The following XKR9 variants were observed in gnomAD, a reference collection of about 807,000 sequenced individuals.
XKR9 encodes the protein XK-related protein 9.
Under a neutral mutation model 32.0 loss-of-function variants are expected in XKR9, and 32 were observed. The ratio of observed to expected loss-of-function variants is 1.00; its 90% CI spans 0.76 to 1.34. The LOEUF (loss-of-function observed/expected upper bound fraction) is 1.34. Among genes scored for constraint, XKR9 ranks in the 40% most tolerant of loss-of-function variants. The pLI is 0.00. For synonymous variants in XKR9, 168 were observed against 143.4 expected, an observed-to-expected ratio of 1.17 and a Z score of -1.22; for missense variants, 546 against 429.7, an observed-to-expected ratio of 1.27 and a Z score of -2.39.
At chr8:70,903,734 G>A in the XKR9 span, among the ~76,000 whole-genome samples, 1 of 152,028 alleles carries the variant, frequency 6.6e-6, no homozygotes, top group Non-Finnish European at 1.5e-5. Flanking sequence ...TGATGTTAAG[G>A]TTTCAATTTT....
At chr8:70,723,766 C>T (rs34317015) in intron 4 of XKR9, among the ~76,000 whole-genome samples, 178 of 152,120 alleles carry the variant, frequency 1.2e-3, no homozygotes, top group East Asian at 7.0e-3. Context: ...TGCTGGGATG[C>T]GCCTCCCAGT....
chr8:70,785,550 T>C (rs1415188194), intron 2 of XKR9, among the ~76,000 whole-genome samples: 1 of 136,128 alleles, frequency 7.3e-6, no homozygotes, highest in Non-Finnish European at 1.7e-5. Flanking sequence ...TCTGCTTGCT[T>C]TGGGTTTAGT....
chr8:70,923,321 C>A, the XKR9 span, among the ~76,000 whole-genome samples: 1 of 152,202 alleles, frequency 6.6e-6, no homozygotes, highest in Non-Finnish European at 1.5e-5. Flanking sequence ...TTGGCCCTTG[C>A]CTGTTCTTTG....
chr8:70,756,285 G>A (rs1807225222), intron 2 of XKR9, among the ~76,000 whole-genome samples: 1 of 152,088 alleles, frequency 6.6e-6, no homozygotes, highest in African/African-American at 2.4e-5. Flanking sequence ...AGTAAGTTTT[G>A]AAATTGGAAA....
At chr8:70,941,346 C>T in the XKR9 span, among the ~76,000 whole-genome samples, 1 of 151,868 alleles carries the variant, frequency 6.6e-6, no homozygotes, top group Non-Finnish European at 1.5e-5. Context: ...AGGTGCATAC[C>T]AGGTATATAT....
At chr8:70,680,078 G>A (rs268634) in intron 2 of XKR9, among the ~76,000 whole-genome samples, 53,961 of 151,646 alleles carry the variant, frequency 0.36, 9,994 homozygotes, top group East Asian at 0.66. Flanking sequence ...ACTCTCAACC[G>A]CCTTCCTCTC....
At chr8:70,881,457 T>C in the XKR9 span, among the ~76,000 whole-genome samples, 3 of 152,034 alleles carry the variant, frequency 2.0e-5, no homozygotes, top group Non-Finnish European at 4.4e-5. Context: ...GGGCAAAGAA[T>C]ATGAACAGAC....
At chr8:70,672,634 C>T (rs1014184108) in intron 1 of XKR9, among the ~76,000 whole-genome samples, 1 of 151,696 alleles carries the variant, frequency 6.6e-6, no homozygotes, top group African/African-American at 2.4e-5. Context: ...GTATTTTATA[C>T]ATCTCTGTAC....
At chr8:70,894,109 G>A in the XKR9 span, among the ~76,000 whole-genome samples, 1 of 151,874 alleles carries the variant, frequency 6.6e-6, no homozygotes, top group African/African-American at 2.4e-5. Context: ...GAAGTAGTAG[G>A]GTATGGCTGC....
At chr8:70,762,572 T>C (rs1807323237) in intron 2 of XKR9, among the ~76,000 whole-genome samples, 1 of 152,218 alleles carries the variant, frequency 6.6e-6, no homozygotes, top group Admixed American at 6.5e-5. Context: ...AACCATTCCC[T>C]CACCTCACCT....
chr8:70,789,145 AAC>A (rs1292026993), intron 2 of XKR9, among the ~76,000 whole-genome samples: 1 of 152,014 alleles, frequency 6.6e-6, no homozygotes. Context: ...CAAACAACAA[AAC>A]ACAGTTTACG....
At chr8:70,753,207 T>C (rs1807167880) in intron 2 of XKR9, among the ~76,000 whole-genome samples, 1 of 152,128 alleles carries the variant, frequency 6.6e-6, no homozygotes, top group Non-Finnish European at 1.5e-5. Flanking sequence ...CTCCCAACAC[T>C]AACCCAGGAA....
intron 2 of XKR9, among the ~76,000 whole-genome samples, chr8:70,785,685 A>T (rs1260134784): frequency 1.3e-5 from 2 of 148,910 alleles, no homozygotes; most frequent in Non-Finnish European, 1.5e-5. Flanking sequence ...GCTGTATCCC[A>T]TAAGTTTTGG....
chr8:71,032,000 G>GAA, the XKR9 span, among the ~76,000 whole-genome samples: 1 of 152,106 alleles, frequency 6.6e-6, no homozygotes, highest in African/African-American at 2.4e-5. Flanking sequence ...TGCCTCATTT[G>GAA]AAAACACTGT....
At chr8:70,983,243 A>T in the XKR9 span, among the ~76,000 whole-genome samples, 1 of 152,102 alleles carries the variant, frequency 6.6e-6, no homozygotes, top group African/African-American at 2.4e-5. Flanking sequence ...GTTCTTCCTC[A>T]TTGCCTGACT....
chr8:70,707,047 T>G lies in XKR9; in HGVS notation c.387T>G (p.Thr129=). The G allele has an allele frequency of 1.2e-6, 2 of 1,613,500 alleles. No individual in the cohort carries two copies. Among genetic ancestry groups the G allele is most frequent in the Non-Finnish European group, 1.7e-6 (2 of 1,179,516 alleles). The change falls in exon 4 of 5, where the codon ACT becomes ACG. Residue 129 remains threonine (T), a synonymous_variant. Transcript: ENST00000408926. Reference sequence around the variant, plus strand: ...ATAAAGAAGTTATAGATAGAGTGACTGATTTGAGCATGCTCAGACTATTTG... The same window carrying G: ...ATAAAGAAGTTATAGATAGAGTGACGGATTTGAGCATGCTCAGACTATTTG... ...DLHKEVIDRV[T]DLSMLRLFET...
chr8:71,020,664 G>T, the XKR9 span, among the ~76,000 whole-genome samples: 1 of 152,096 alleles, frequency 6.6e-6, no homozygotes, highest in Admixed American at 6.6e-5. Flanking sequence ...TATTTATAGG[G>T]CATATGTAGT....
At chr8:70,808,982 C>T in the XKR9 span, among the ~76,000 whole-genome samples, 16 of 152,208 alleles carry the variant, frequency 1.1e-4, no homozygotes, top group African/African-American at 1.7e-4. Context: ...GATCTGAGAA[C>T]GCACAGACTG....
At chr8:70,990,731 ATAAG>A in the XKR9 span, among the ~76,000 whole-genome samples, 2 of 123,840 alleles carry the variant, frequency 1.6e-5, no homozygotes, top group East Asian at 4.6e-4. Flanking sequence ...TTTTGGCAGA[ATAAG>A]AGAGAGAGAG....
Sources: allele counts gnomAD v4.1 joint callset (sites outside exome capture counted in the v4.1 genomes callset), GRCh38; gene constraint gnomAD v4.1.1; transcripts MANE v1.5; gene names NCBI Gene and HGNC (gene_info 2026-07-23, HGNC 2026-07-21).